The following ST6GALNAC6 variants were observed in gnomAD, a reference collection of about 807,000 sequenced individuals.
ST6GALNAC6 encodes the protein alpha-N-acetylgalactosaminide alpha-2,6-sialyltransferase 6.
Under a neutral mutation model 34.3 loss-of-function variants are expected in ST6GALNAC6, and 19 were observed. The ratio of observed to expected loss-of-function variants is 0.55; its 90% confidence interval spans 0.39 to 0.81. ST6GALNAC6 has a LOEUF of 0.81. ST6GALNAC6 is among the 40% of genes least tolerant of loss of function. ST6GALNAC6 has a pLI of 0.00. For synonymous variants in ST6GALNAC6, 185 were observed against 182.1 expected (o/e 1.02, Z -0.13); for missense variants, 377 against 467.7 (o/e 0.81, Z 1.79).
chr9:127,887,072 T>C lies in ST6GALNAC6; in HGVS notation c.813-284A>G, dbSNP rs956328397. 5.3e-5 allele frequency among the ~76,000 whole-genome samples: 8 copies of C among 151,068 alleles called. No homozygotes were observed. In the East Asian group the frequency reaches 1.3e-3, roughly 25 times the overall value. On this transcript the variant is annotated intron_variant, in intron 6 of 6. Coordinates refer to ENST00000373146, the MANE Select transcript of ST6GALNAC6 (RefSeq NM_013443.5). ...ACTGGAGCCTGGCCCCTCTTCCTAC[T>C]GTTTGGAGGACCTTTGGCTACTCAT...
upstream of ST6GALNAC6, among the ~76,000 whole-genome samples, chr9:127,902,313 C>T (rs535956752): frequency 9.9e-5 from 15 of 151,888 alleles, no homozygotes; most frequent in African/African-American, 3.6e-4. Flanking sequence ...CGCGGGCCAC[C>T]ACGCCCAGCT....
upstream of ST6GALNAC6, among the ~76,000 whole-genome samples, chr9:127,901,604 G>C (rs1316699036): frequency 1.3e-5 from 2 of 149,950 alleles, no homozygotes; most frequent in African/African-American, 2.5e-5. Flanking sequence ...GACAGAGAGA[G>C]ACTCCGTCTC....
At chr9:127,898,427 TAAAAG>T (rs964916602) in intron 1 of ST6GALNAC6, among the ~76,000 whole-genome samples, 9 of 151,386 alleles carry the variant, frequency 5.9e-5, no homozygotes, top group Non-Finnish European at 8.8e-5. Context: ...TAAAATAAAA[TAAAAG>T]AAAGAAAGAA....
At chr9:127,906,422 G>T (rs1830917094), upstream of ST6GALNAC6, among the ~76,000 whole-genome samples, 1 of 152,094 alleles carries the variant, frequency 6.6e-6, no homozygotes. Flanking sequence ...GTCCCCAGAT[G>T]AAGTAGTGAT....
intron 2 of ST6GALNAC6, chr9:127,897,730 G>T: frequency 2.8e-6 from 3 of 1,076,672 alleles, no homozygotes; most frequent in Non-Finnish European, 3.9e-6. Context: ...CTGAGACCTT[G>T]GCATTCAAGG....
In ST6GALNAC6 at chr9:127,897,553, G is replaced by A. The variant is rs529085746; in HGVS notation, c.26+403C>T. The A allele has an allele frequency of 9.6e-5, 53 of 552,850 alleles. No homozygotes were observed. In the East Asian group the frequency reaches 4.6e-3, roughly 48 times the overall value. The allele number at this position is 552,850 out of a possible 1,614,324, so 34.2% of individuals were successfully genotyped here. On this transcript the variant is annotated intron_variant, in intron 2 of 6. Coordinates refer to ENST00000373146, the MANE Select transcript of ST6GALNAC6 (RefSeq NM_013443.5). ...TCGGCTTCGGGTTTCTCCAGCGGCT[G>A]CCCCTCACTGCCAGTCAGGGAGGCC...
intron 3 of ST6GALNAC6, among the ~76,000 whole-genome samples, chr9:127,894,962 G>T (rs1200041426): frequency 6.6e-6 from 1 of 152,232 alleles, no homozygotes; most frequent in Non-Finnish European, 1.5e-5. Context: ...CCAGGGCAGG[G>T]CCTGGAACAT....
At chr9:127,897,816 A>G (rs1333300395) in intron 2 of ST6GALNAC6, 140 bp downstream of exon 2, 1 of 1,549,314 alleles carries the variant, frequency 6.5e-7, no homozygotes, top group African/African-American at 1.4e-5. Flanking sequence ...CCCGCCGCCC[A>G]CTTTCCCACC....
intron 2 of ST6GALNAC6, chr9:127,897,202 A>T (rs1040924527): frequency 8.9e-5 from 88 of 985,290 alleles, no homozygotes; most frequent in Non-Finnish European, 1.0e-4. Flanking sequence ...AGGGTTCCCC[A>T]CCTGTGAAAG....
chr9:127,891,193 T>G, intron 4 of ST6GALNAC6, 150 bp from the exon 5 acceptor site: 1 of 1,042,032 alleles, frequency 9.6e-7, no homozygotes, highest in Non-Finnish European at 1.4e-6. Context: ...CACACATTGA[T>G]AGCAAGCTGG....
At chr9:127,898,116 C>G in intron 1 of ST6GALNAC6, 106 bp from the exon 2 acceptor site, 2 of 687,512 alleles carry the variant, frequency 2.9e-6, no homozygotes, top group Non-Finnish European at 5.2e-6. Context: ...CCACATTGGC[C>G]GGGCGCGGTG....
chr9:127,897,726 C>A, intron 2 of ST6GALNAC6: 1 of 1,048,242 alleles, frequency 9.5e-7, no homozygotes, highest in Non-Finnish European at 1.3e-6. Context: ...TGCCCTGAGA[C>A]CTTGGCATTC....
chr9:127,894,354 G>GATA (rs1234348856), intron 4 of ST6GALNAC6, among the ~76,000 whole-genome samples, 158 bp downstream of exon 4: 26 of 152,246 alleles, frequency 1.7e-4, no homozygotes, highest in Non-Finnish European at 3.5e-4. Flanking sequence ...CCAGACAGGG[G>GATA]CAGCGCACTT....
At chr9:127,902,798 G>T (rs148758667), upstream of ST6GALNAC6, among the ~76,000 whole-genome samples, 13,133 of 131,872 alleles carry the variant, frequency 0.1, 938 homozygotes, top group Non-Finnish European at 0.13. Context: ...ATGTTGGTCA[G>T]GCTGGTCTCA....
At chr9:127,894,877 T>G (rs1282125195) in intron 3 of ST6GALNAC6, among the ~76,000 whole-genome samples, 186 bp from the exon 4 acceptor site, 1 of 152,178 alleles carries the variant, frequency 6.6e-6, no homozygotes, top group Non-Finnish European at 1.5e-5. Context: ...CATACTGCAT[T>G]CAAACTCCCA....
At chr9:127,889,367 T>A (rs1361545222) in intron 5 of ST6GALNAC6, among the ~76,000 whole-genome samples, 3 of 147,206 alleles carry the variant, frequency 2.0e-5, no homozygotes, top group South Asian at 2.2e-4. Flanking sequence ...AAAAAAAATC[T>A]CCTAGAACCA....
At position 127,886,536 on chromosome 9, in the gene ST6GALNAC6, C is replaced by T; in HGVS notation, c.*63G>A. The T allele has an allele frequency of 6.3e-7, 1 of 1,594,478 alleles. No individual in the cohort carries two copies. The highest frequency in any genetic ancestry group is 8.5e-7 in the Non-Finnish European group (1 of 1,170,150). On this transcript the variant is annotated 3_prime_UTR_variant, in exon 7 of 7. Coordinates refer to ENST00000373146, the MANE Select transcript of ST6GALNAC6 (RefSeq NM_013443.5). ...TGATTGGCCAGAAGATGGTCCCTGG[C>T]CTAGCGGCTGGGCGGAGGCTGCTTC... is the stretch of plus-strand genomic sequence containing the variant.
intron 5 of ST6GALNAC6, among the ~76,000 whole-genome samples, chr9:127,888,847 A>G (rs917734342): frequency 6.6e-6 from 1 of 152,104 alleles, no homozygotes; most frequent in African/African-American, 2.4e-5. Flanking sequence ...ACAAACACTG[A>G]ATACTTTCTC....
upstream of ST6GALNAC6, chr9:127,905,569 A>G (rs1830895988): frequency 1.0e-5 from 4 of 385,362 alleles, no homozygotes; most frequent in Non-Finnish European, 1.4e-5. Context: ...TGGGCCTTGG[A>G]CACCCAGGAT....
Sources: gnomAD v4.1 joint callset for allele counts (sites outside exome capture counted in the v4.1 genomes callset) on GRCh38, gnomAD v4.1.1 for gene constraint, MANE v1.5 for transcripts, NCBI Gene and HGNC (gene_info 2026-07-23, HGNC 2026-07-21) for gene names.